Variants in MACROD2 observed in about 807,000 individuals in gnomAD.
MACROD2 encodes ADP-ribose glycohydrolase MACROD2.
MACROD2 carries 36 observed loss-of-function variants against 70.4 expected under a neutral mutation model. That is an observed-to-expected ratio of 0.51 (90% CI 0.39 to 0.68). MACROD2 has a LOEUF of 0.68. Ranked by LOEUF, MACROD2 falls within the 30% of genes least tolerant of loss-of-function variation. MACROD2 has a pLI of 0.00. For missense variants in MACROD2, 496 were observed against 538.4 expected (o/e 0.92, Z 0.78); for synonymous variants, 172 against 178.8 (o/e 0.96, Z 0.30).
At position 15,713,987 on chromosome 20, in the gene MACROD2, GCACACACACACACACACACACACACACA is replaced by G. The variant is rs3071356; in HGVS notation, c.646-148740_646-148713del. ...TGTTCTAGTAAACACACACACATAT[GCACACACACACACACACACACACACACA>G]CACACACACACACACACGGTATAAA... On this transcript the variant is annotated intron_variant, in intron 8 of 17. Transcript: ENST00000684519. Among the ~76,000 whole-genome samples the G allele has an allele frequency of 3.0e-3, 356 of 117,782 alleles. 3 individuals carry two copies. Among genetic ancestry groups the G allele is most frequent in the African/African-American group, 9.7e-3 (341 of 35,304 alleles). 77.3% of individuals were successfully genotyped at this position (117,782 alleles called of 152,430 possible).
rs528533406 is a variant in MACROD2 at position 14,371,032 on chromosome 20, T to C, written c.272-122447T>C. 3.0e-4 allele frequency among the ~76,000 whole-genome samples: 46 copies of C among 152,336 alleles called. 1 individual carries two copies. Among genetic ancestry groups the C allele is most frequent in the Admixed American group, 6.5e-4 (10 of 15,306 alleles). ...AAATTAAGTTTAAAAATTTGATTTA[T>C]TTTTATAAGACAGACAATACCAAAA... is the stretch of plus-strand genomic sequence containing the variant. On this transcript the variant is annotated intron_variant, in intron 3 of 17. Coordinates refer to ENST00000684519, the MANE Select transcript of MACROD2 (RefSeq NM_001351661.2).
At chr20:14,856,024 C>T (rs2073252436) in intron 5 of MACROD2, among the ~76,000 whole-genome samples, 2 of 152,046 alleles carry the variant, frequency 1.3e-5, no homozygotes, top group Non-Finnish European at 2.9e-5. Flanking sequence ...GATCCCATTG[C>T]ACTTTACATG....
chr20:14,082,234 AG>A (rs1387354357), intron 2 of MACROD2, among the ~76,000 whole-genome samples: 4 of 123,002 alleles, frequency 3.3e-5, no homozygotes, highest in Non-Finnish European at 1.6e-5. Flanking sequence ...GCTGGAGTGC[AG>A]TGGCATGATC....
chr20:14,859,752 C>T (rs1170952496), intron 5 of MACROD2, among the ~76,000 whole-genome samples: 1 of 152,032 alleles, frequency 6.6e-6, no homozygotes, highest in Non-Finnish European at 1.5e-5. Context: ...TTTCAACTTA[C>T]TAGTTAGCTC....
In MACROD2 at chr20:14,179,006, T is replaced by C. The variant is rs2081286251; in HGVS notation, c.271+93278T>C. Reference sequence around the variant, plus strand: ...TTCTATTGTCAAAGCAGTCATAGGCTAGCAAAAAACCAAAGGTGTGGAGGA... The same window carrying C: ...TTCTATTGTCAAAGCAGTCATAGGCCAGCAAAAAACCAAAGGTGTGGAGGA... On this transcript the variant is annotated intron_variant, in intron 3 of 17. Transcript: ENST00000684519. Among the ~76,000 whole-genome samples, 6 of 152,260 alleles carry C rather than the reference T, an allele frequency of 3.9e-5. No individual in the cohort carries two copies. In the South Asian group the frequency reaches 1.2e-3, roughly 32 times the overall value.
At position 14,056,809 on chromosome 20, in the gene MACROD2, T is replaced by C. The variant is rs370028619; in HGVS notation, c.164-28812T>C. Among the ~76,000 whole-genome samples, 6 of 145,772 alleles carry C rather than the reference T, an allele frequency of 4.1e-5. No individual in the cohort carries two copies. In the East Asian group the frequency reaches 1.2e-3, roughly 30 times the overall value. ...TGAGTCCTCTGAAGGGTATACAGTTTTATATATTTATTCAGATCTCTTTTT... is the reference window on the plus strand; with the variant it reads ...TGAGTCCTCTGAAGGGTATACAGTTCTATATATTTATTCAGATCTCTTTTT... On this transcript the variant is annotated intron_variant, in intron 2 of 17. Coordinates refer to ENST00000684519, the MANE Select transcript of MACROD2 (RefSeq NM_001351661.2).
intron 3 of MACROD2, among the ~76,000 whole-genome samples, chr20:14,231,447 T>C (rs2081811770): frequency 6.6e-6 from 1 of 152,174 alleles, no homozygotes; most frequent in Admixed American, 6.5e-5. Flanking sequence ...GCTTCATCCA[T>C]GTCCCCACAA....
rs138540694 is a variant in MACROD2, at chr20:15,572,137, C to A, written c.645+72290C>A. On this transcript the variant is annotated intron_variant, in intron 8 of 17. Coordinates refer to ENST00000684519, the MANE Select transcript of MACROD2 (RefSeq NM_001351661.2). ...TCAGTTTAATCAAAAGGAAAGGGAG[C>A]TTTTCACTGTACAAATATGATTGAA... is the stretch of plus-strand genomic sequence containing the variant. Among the ~76,000 whole-genome samples, 181 of 152,154 alleles carry A rather than the reference C, an allele frequency of 1.2e-3. 2 individuals carry two copies. The East Asian group carries it at 0.027, about 22-fold the overall frequency.
At chr20:15,597,945 G>A (rs570867330) in intron 8 of MACROD2, among the ~76,000 whole-genome samples, 1 of 152,186 alleles carries the variant, frequency 6.6e-6, no homozygotes, top group African/African-American at 2.4e-5. Flanking sequence ...CAGGCGTGGT[G>A]GTGGGTGCCT....
At chr20:14,531,360 G>A (rs1355078635) in intron 4 of MACROD2, among the ~76,000 whole-genome samples, 1 of 152,170 alleles carries the variant, frequency 6.6e-6, no homozygotes, top group Non-Finnish European at 1.5e-5. Context: ...TGGAGACACA[G>A]TATCCCAGAG....
chr20:15,310,285 C>T (rs777493826), intron 6 of MACROD2, among the ~76,000 whole-genome samples: 2 of 152,232 alleles, frequency 1.3e-5, no homozygotes, highest in South Asian at 2.1e-4. Flanking sequence ...TGGCAACTGA[C>T]GAGCCTGGAA....
chr20:15,125,696 G>A (rs762471876), intron 5 of MACROD2, among the ~76,000 whole-genome samples: 3 of 151,968 alleles, frequency 2.0e-5, no homozygotes, highest in Admixed American at 6.6e-5. Flanking sequence ...TTCTTGAGAT[G>A]TAATTTACAT....
chr20:15,261,215 G>T lies in MACROD2; in HGVS notation c.540+31154G>T, dbSNP rs575213963. ...TGGCAGTCGATCATTGGATTTATAC[G>T]GTTTGGCATTGATCTTGGAGAAGGC... On this transcript the variant is annotated intron_variant, in intron 6 of 17. Transcript: ENST00000684519. Among the ~76,000 whole-genome samples, 5 of 151,760 alleles carry T rather than the reference G, an allele frequency of 3.3e-5. No individual in the cohort carries two copies. In the South Asian group the frequency reaches 1.0e-3, roughly 32 times the overall value.
intron 3 of MACROD2, among the ~76,000 whole-genome samples, chr20:14,224,012 C>T (rs1483029559): frequency 6.6e-6 from 1 of 152,160 alleles, no homozygotes; most frequent in Non-Finnish European, 1.5e-5. Context: ...CCCTCTGCCT[C>T]AGGGGCGGTG....
intron 8 of MACROD2, among the ~76,000 whole-genome samples, chr20:15,559,511 T>G (rs1343232270): frequency 1.3e-5 from 2 of 152,208 alleles, no homozygotes; most frequent in Non-Finnish European, 2.9e-5. Flanking sequence ...ATTTCCCATA[T>G]TCTTGCCACC....
intron 6 of MACROD2, among the ~76,000 whole-genome samples, chr20:15,306,945 A>G (rs566888265): frequency 2.0e-5 from 3 of 152,258 alleles, no homozygotes; most frequent in Non-Finnish European, 4.4e-5. Context: ...AGGCCACAGG[A>G]AGATTTAACT....
At chr20:15,375,096 A>G (rs1600314098) in intron 6 of MACROD2, among the ~76,000 whole-genome samples, 1 of 152,304 alleles carries the variant, frequency 6.6e-6, no homozygotes, top group South Asian at 2.1e-4. Flanking sequence ...CTGTTATTCA[A>G]GTAAATGTTT....
intron 10 of MACROD2, among the ~76,000 whole-genome samples, chr20:15,926,819 A>T (rs544160765): frequency 6.6e-6 from 1 of 152,322 alleles, no homozygotes; most frequent in East Asian, 1.9e-4. Context: ...GAAGACAGAG[A>T]AACAACGAGG....
chr20:15,159,221 G>A (rs1424509669), intron 5 of MACROD2, among the ~76,000 whole-genome samples: 7 of 151,844 alleles, frequency 4.6e-5, no homozygotes, highest in Non-Finnish European at 1.0e-4. Flanking sequence ...AAAGCCACTG[G>A]GGGAAAAATG....
Sources: allele counts gnomAD v4.1 joint callset (sites outside exome capture counted in the v4.1 genomes callset), GRCh38; gene constraint gnomAD v4.1.1; transcripts MANE v1.5; gene names NCBI Gene and HGNC (gene_info 2026-07-23, HGNC 2026-07-21).